The following RGS9 variants were observed in gnomAD, a reference collection of about 807,000 sequenced individuals.
RGS9 encodes the protein regulator of G-protein signalling 9.
Under a neutral mutation model 102.0 loss-of-function variants are expected in RGS9, and 78 were observed. That is an observed-to-expected ratio of 0.76 (90% confidence interval 0.64 to 0.92). The LOEUF (loss-of-function observed/expected upper bound fraction) is 0.92, where lower values mean the gene tolerates loss of function less well. Among genes scored for constraint, RGS9 ranks in the 40% least tolerant of loss-of-function variants. The pLI, the probability that RGS9 is intolerant of heterozygous loss-of-function variation, is 0.00. For synonymous variants in RGS9, 353 were observed against 318.6 expected (o/e 1.11, Z -1.15); for missense variants, 833 against 866.1 (o/e 0.96, Z 0.48).
At chr17:65,143,655 A>G (rs1261313907) in intron 1 of RGS9, among the ~76,000 whole-genome samples, 2 of 151,950 alleles carry the variant, frequency 1.3e-5, no homozygotes, top group Non-Finnish European at 2.9e-5. Context: ...TGAGCTGGGC[A>G]TGCTGGCAGG....
chr17:65,197,863 G>A (rs1912657838), intron 13 of RGS9, among the ~76,000 whole-genome samples: 2 of 151,866 alleles, frequency 1.3e-5, no homozygotes, highest in South Asian at 4.2e-4. Context: ...TAGAGATGGG[G>A]TTTCACCATA....
At chr17:65,167,004 A>G (rs903996598) in intron 7 of RGS9, among the ~76,000 whole-genome samples, 5 of 152,132 alleles carry the variant, frequency 3.3e-5, no homozygotes, top group African/African-American at 1.2e-4. Context: ...CGTGTGCGTC[A>G]TCCCACGTTG....
In RGS9 at chr17:65,193,589, T is replaced by A. The variant is rs1255783887; in HGVS notation, c.793T>A (p.Ser265Thr). The change falls in exon 12 of 19, where the codon TCA (serine) becomes ACA (threonine). Residue 265 changes from serine to threonine, a missense_variant. Ser to Thr is a moderately conservative substitution (Grantham distance 58, BLOSUM62 1). Coordinates refer to ENST00000262406, the MANE Select transcript of RGS9 (RefSeq NM_003835.4). ...GTTCTCATCCAACGATGCCATCATG[T>A]CAGGCTGCCTCCCCAGCAACCCCTG... ...EQFSSNDAIM[S>T]GCLPSNPWIT... The A allele has an allele frequency of 1.2e-6, 2 of 1,613,980 alleles. No individual in the cohort carries two copies. The highest frequency in any genetic ancestry group is 2.2e-5 in the East Asian group (1 of 44,882).
chr17:65,206,462 G>A (rs186086669), intron 15 of RGS9, among the ~76,000 whole-genome samples: 42 of 152,264 alleles, frequency 2.8e-4, no homozygotes, highest in Admixed American at 2.2e-3. Flanking sequence ...GGCAGATCAC[G>A]AGGTCGGGAG....
chr17:65,191,151 G>A (rs1481675876), intron 11 of RGS9, among the ~76,000 whole-genome samples: 2 of 152,148 alleles, frequency 1.3e-5, no homozygotes, highest in Non-Finnish European at 2.9e-5. Flanking sequence ...TGTGTACTCA[G>A]GGGCATTCAC....
At chr17:65,143,133 G>A (rs137981025) in intron 1 of RGS9, among the ~76,000 whole-genome samples, 1 of 152,162 alleles carries the variant, frequency 6.6e-6, no homozygotes, top group Non-Finnish European at 1.5e-5. Flanking sequence ...GGGACATTTG[G>A]CAATGTCTAA....
chr17:65,150,134 G>A lies in RGS9; in HGVS notation c.58-3288G>A, dbSNP rs950825808. On this transcript the variant is annotated intron_variant, in intron 1 of 18. Coordinates refer to ENST00000262406, the MANE Select transcript of RGS9 (RefSeq NM_003835.4). ...ACTTGGTGTGAGAGCAGCCATCCAC[G>A]TTGATGTCCAGCTGCACGCAGCAGC... Among the ~76,000 whole-genome samples, 8 of 152,322 alleles carry A rather than the reference G, an allele frequency of 5.3e-5. No individual in the cohort carries two copies. The South Asian group carries it at 8.3e-4, about 16-fold the overall frequency.
intron 8 of RGS9, among the ~76,000 whole-genome samples, chr17:65,172,403 C>T (rs573709962): frequency 6.6e-6 from 1 of 151,974 alleles, no homozygotes; most frequent in Non-Finnish European, 1.5e-5. Context: ...GGCGGTTTCA[C>T]CATGTTGGCC....
intron 14 of RGS9, among the ~76,000 whole-genome samples, chr17:65,203,470 T>C (rs1006118850): frequency 6.6e-6 from 1 of 152,210 alleles, no homozygotes; most frequent in Non-Finnish European, 1.5e-5. Flanking sequence ...GGTTATGTTA[T>C]GTAAATCTCA....
intron 15 of RGS9, among the ~76,000 whole-genome samples, chr17:65,206,031 T>A (rs1423124716): frequency 1.3e-5 from 2 of 152,182 alleles, no homozygotes; most frequent in Admixed American, 6.5e-5. Context: ...TGATATAGGC[T>A]ATGTGATATA....
At chr17:65,138,680 TA>T (rs574486282) in intron 1 of RGS9, among the ~76,000 whole-genome samples, 41 of 152,220 alleles carry the variant, frequency 2.7e-4, no homozygotes, top group Admixed American at 4.6e-4. Flanking sequence ...TACCAGTTAC[TA>T]AAAGCAGAAG....
intron 2 of RGS9, among the ~76,000 whole-genome samples, chr17:65,157,144 G>A (rs529777718): frequency 1.4e-5 from 2 of 145,498 alleles, no homozygotes; most frequent in Admixed American, 1.4e-4. Flanking sequence ...AGGGAGTGGA[G>A]TCTCAATCCT....
intron 3 of RGS9, among the ~76,000 whole-genome samples, chr17:65,158,954 C>T (rs1910877131): frequency 6.6e-6 from 1 of 152,216 alleles, no homozygotes; most frequent in Admixed American, 6.5e-5. Context: ...TGCACGTATA[C>T]ATCCAGATGG....
chr17:65,219,944 G>C (rs113665473), intron 17 of RGS9, among the ~76,000 whole-genome samples: 2 of 145,844 alleles, frequency 1.4e-5, no homozygotes, highest in Non-Finnish European at 3.0e-5. Context: ...TATCATCACC[G>C]CCATCCTCAC....
chr17:65,205,509 G>C (rs1288166914), intron 15 of RGS9, among the ~76,000 whole-genome samples: 1 of 151,732 alleles, frequency 6.6e-6, no homozygotes, highest in African/African-American at 2.4e-5. Context: ...TGTCATACAG[G>C]TTATATGATA....
At chr17:65,192,415 G>T (rs1912402717) in intron 11 of RGS9, among the ~76,000 whole-genome samples, 1 of 152,040 alleles carries the variant, frequency 6.6e-6, no homozygotes, top group Non-Finnish European at 1.5e-5. Context: ...AGGAGTTGAA[G>T]ACCAGCCTGG....
At chr17:65,184,421 G>A (rs557148327) in intron 9 of RGS9, among the ~76,000 whole-genome samples, 41 of 152,132 alleles carry the variant, frequency 2.7e-4, no homozygotes, top group Admixed American at 2.5e-3. Context: ...TGCCGCTCAC[G>A]TGCTCAGTGG....
At chr17:65,222,118 T>C (rs940405818) in intron 17 of RGS9, among the ~76,000 whole-genome samples, 3 of 152,230 alleles carry the variant, frequency 2.0e-5, no homozygotes, top group African/African-American at 7.2e-5. Context: ...CGTTTAAGAC[T>C]CAGGTCACTG....
chr17:65,185,335 G>GT (rs1567877775), intron 9 of RGS9: 1 of 152,296 alleles, frequency 6.6e-6, no homozygotes, highest in Non-Finnish European at 1.5e-5. Context: ...CACAGATGGA[G>GT]TTTTTTTAGA....
Sources: gnomAD v4.1 joint callset for allele counts (sites outside exome capture counted in the v4.1 genomes callset) on GRCh38, gnomAD v4.1.1 for gene constraint, MANE v1.5 for transcripts, NCBI Gene and HGNC (gene_info 2026-07-23, HGNC 2026-07-21) for gene names.